TAFA1: variants seen among roughly 807,000 people sequenced by gnomAD.
TAFA1 encodes the protein TAFA chemokine like family member 1.
TAFA1 carries 4 observed loss-of-function variants against 18.5 expected under a neutral mutation model. The observed-to-expected ratio is 0.22, with a 90% CI of 0.11 to 0.49. The LOEUF (loss-of-function observed/expected upper bound fraction) is 0.49. Ranked by LOEUF, TAFA1 falls within the 20% of genes least tolerant of loss-of-function variation. The pLI, the probability that TAFA1 is intolerant of heterozygous loss-of-function variation, is 0.98. For synonymous variants in TAFA1, 56 were observed against 55.2 expected, an observed-to-expected ratio of 1.01 and a Z score of -0.06; for missense variants, 147 against 169.0, an observed-to-expected ratio of 0.87 and a Z score of 0.72.
chr3:68,368,360 T>C (rs1453643104), intron 2 of TAFA1, among the ~76,000 whole-genome samples: 1 of 152,174 alleles, frequency 6.6e-6, no homozygotes, highest in African/African-American at 2.4e-5. Context: ...AGAGAATAGG[T>C]GTTTCTCAGT....
chr3:68,389,672 C>T (rs1354563507), intron 2 of TAFA1, among the ~76,000 whole-genome samples: 1 of 152,034 alleles, frequency 6.6e-6, no homozygotes, highest in Non-Finnish European at 1.5e-5. Flanking sequence ...TGGCTGATCT[C>T]ATTGGGACTG....
intron 2 of TAFA1, among the ~76,000 whole-genome samples, chr3:68,096,118 C>T (rs2065084307): frequency 6.6e-6 from 1 of 152,090 alleles, no homozygotes; most frequent in Admixed American, 6.6e-5. Flanking sequence ...CTCTATCATT[C>T]TACCCTCTAC....
intron 2 of TAFA1, among the ~76,000 whole-genome samples, chr3:68,379,857 C>T (rs1264233094): frequency 6.6e-6 from 1 of 151,532 alleles, no homozygotes; most frequent in Non-Finnish European, 1.5e-5. Context: ...TGTTGGTGTG[C>T]TGCACCCATT....
At chr3:68,259,170 T>G (rs1380127629) in intron 2 of TAFA1, among the ~76,000 whole-genome samples, 2 of 152,214 alleles carry the variant, frequency 1.3e-5, no homozygotes, top group Admixed American at 1.3e-4. Flanking sequence ...AATGGAAAGG[T>G]GCTAGGGTAT....
At chr3:68,034,403 C>A (rs1026168863) in intron 2 of TAFA1, among the ~76,000 whole-genome samples, 1 of 152,176 alleles carries the variant, frequency 6.6e-6, no homozygotes, top group African/African-American at 2.4e-5. Context: ...TTACTAACTT[C>A]ATTTTACTTA....
At chr3:68,331,104 A>T (rs1015602805) in intron 2 of TAFA1, among the ~76,000 whole-genome samples, 1 of 138,694 alleles carries the variant, frequency 7.2e-6, no homozygotes, top group Non-Finnish European at 1.6e-5. Flanking sequence ...ATATTATTCA[A>T]TCTTAAAAAT....
chr3:68,350,735 T>C (rs994160818), intron 2 of TAFA1, among the ~76,000 whole-genome samples: 1 of 152,044 alleles, frequency 6.6e-6, no homozygotes, highest in Non-Finnish European at 1.5e-5. Context: ...CAATTAAGCA[T>C]TGATGAAGAG....
chr3:68,075,724 T>A (rs1426618576), intron 2 of TAFA1, among the ~76,000 whole-genome samples: 1 of 150,164 alleles, frequency 6.7e-6, no homozygotes, highest in African/African-American at 2.5e-5. Context: ...TTGGACAAGG[T>A]TTTGCTCTGT....
rs559908540 is a variant in TAFA1, at chr3:68,197,843, G to A, written c.118+191099G>A. 2.2e-4 allele frequency among the ~76,000 whole-genome samples: 34 copies of A among 151,796 alleles called. No individual in the cohort carries two copies. In the East Asian group the frequency reaches 4.3e-3, roughly 19 times the overall value. On this transcript the variant is annotated intron_variant, in intron 2 of 4. Coordinates refer to ENST00000478136, the MANE Select transcript of TAFA1 (RefSeq NM_213609.4). ...TATATAGTGTTATTTGTCACTCTGC[G>A]TTTAATTGTTCCTGTATATAGGTGG...
At chr3:68,205,616 C>T (rs764694199) in intron 2 of TAFA1, among the ~76,000 whole-genome samples, 3 of 151,818 alleles carry the variant, frequency 2.0e-5, no homozygotes, top group Non-Finnish European at 2.9e-5. Flanking sequence ...GACTAGAAAA[C>T]GTCCCTAGAT....
At chr3:68,011,866 C>G (rs1559701184) in intron 2 of TAFA1, among the ~76,000 whole-genome samples, 1 of 152,082 alleles carries the variant, frequency 6.6e-6, no homozygotes, top group Non-Finnish European at 1.5e-5. Context: ...ATATCAAAGC[C>G]AAATACAGAT....
chr3:68,315,880 A>G (rs2068597609), intron 2 of TAFA1, among the ~76,000 whole-genome samples: 1 of 152,310 alleles, frequency 6.6e-6, no homozygotes. Flanking sequence ...GTGGTTGACA[A>G]ATGGGTTTAA....
At chr3:68,517,036 A>T (rs2072932558) in intron 3 of TAFA1, among the ~76,000 whole-genome samples, 1 of 152,160 alleles carries the variant, frequency 6.6e-6, no homozygotes. Flanking sequence ...GGCCTCCCAA[A>T]GTGCTGGGAT....
At chr3:68,192,423 AT>A (rs2066353218) in intron 2 of TAFA1, 1 of 191,946 alleles carries the variant, frequency 5.2e-6, no homozygotes, top group Admixed American at 4.7e-5. Flanking sequence ...ATGAAAACAG[AT>A]GAGAAACTGA....
chr3:67,994,285 C>A, the TAFA1 span, among the ~76,000 whole-genome samples: 2 of 152,174 alleles, frequency 1.3e-5, no homozygotes, highest in Non-Finnish European at 2.9e-5. Context: ...AGTGAGCTGG[C>A]AATGAGGACA....
chr3:68,542,643 A>G (rs1428307676), intron 4 of TAFA1, among the ~76,000 whole-genome samples: 3 of 152,130 alleles, frequency 2.0e-5, no homozygotes, highest in African/African-American at 7.2e-5. Flanking sequence ...TGCATGACCT[A>G]GAGGTAGGTC....
At chr3:68,081,626 G>T (rs1268978387) in intron 2 of TAFA1, among the ~76,000 whole-genome samples, 2 of 152,188 alleles carry the variant, frequency 1.3e-5, no homozygotes, top group African/African-American at 2.4e-5. Flanking sequence ...AGGCTGCTCG[G>T]GGGTCAGGGG....
intron 2 of TAFA1, among the ~76,000 whole-genome samples, chr3:68,120,383 G>A (rs1273924558): frequency 6.6e-6 from 1 of 151,780 alleles, no homozygotes; most frequent in Non-Finnish European, 1.5e-5. Context: ...CAGGTAGTTG[G>A]GATTACAGGT....
intron 2 of TAFA1, among the ~76,000 whole-genome samples, chr3:68,089,879 T>TAAA (rs2065011948): frequency 1.3e-5 from 2 of 152,214 alleles, no homozygotes; most frequent in South Asian, 4.1e-4. Context: ...AATTACAATT[T>TAAA]CTAGTTTAAA....
Sources: allele counts gnomAD v4.1 joint callset (sites outside exome capture counted in the v4.1 genomes callset), GRCh38; gene constraint gnomAD v4.1.1; transcripts MANE v1.5; gene names NCBI Gene and HGNC (gene_info 2026-07-23, HGNC 2026-07-21).